GULP1: variants seen among roughly 807,000 people sequenced by gnomAD.
GULP1 encodes the protein PTB domain-containing engulfment adapter protein 1.
GULP1 carries 19 observed loss-of-function variants against 40.9 expected under a neutral mutation model. The observed-to-expected ratio is 0.46, with a 90% CI of 0.32 to 0.68. The LOEUF is 0.68. Among genes scored for constraint, GULP1 ranks in the 30% least tolerant of loss-of-function variants. The pLI is 0.03. For missense variants in GULP1, 312 were observed against 362.2 expected (o/e 0.86, Z 1.12); for synonymous variants, 119 against 117.6 (o/e 1.01, Z -0.08).
At chr2:188,498,583 A>G (rs554393764) in intron 4 of GULP1, among the ~76,000 whole-genome samples, 52 of 152,060 alleles carry the variant, frequency 3.4e-4, no homozygotes, top group African/African-American at 1.2e-3. Context: ...TTATGTTAGA[A>G]CAAATTATTG....
chr2:188,300,465 A>G (rs1263059185), intron 1 of GULP1, among the ~76,000 whole-genome samples: 1 of 152,164 alleles, frequency 6.6e-6, no homozygotes, highest in Non-Finnish European at 1.5e-5. Context: ...TGGATTACTT[A>G]CTGATCATTG....
intron 4 of GULP1, among the ~76,000 whole-genome samples, chr2:188,496,393 C>T (rs895384426): frequency 4.6e-5 from 7 of 151,834 alleles, no homozygotes; most frequent in Admixed American, 2.0e-4. Context: ...AAACATTTGG[C>T]GAGGAGATGA....
intron 2 of GULP1, among the ~76,000 whole-genome samples, chr2:188,403,170 C>T (rs889742537): frequency 1.3e-5 from 2 of 152,150 alleles, no homozygotes; most frequent in South Asian, 2.1e-4. Context: ...TCTTCTCCTA[C>T]ACTTTTGTAC....
chr2:188,447,246 T>G (rs1466772392), intron 2 of GULP1, among the ~76,000 whole-genome samples: 1 of 152,130 alleles, frequency 6.6e-6, no homozygotes, highest in African/African-American at 2.4e-5. Flanking sequence ...TCAGAAAACA[T>G]AAATTGTAAA....
At chr2:188,312,276 C>A (rs1209666429) in intron 1 of GULP1, among the ~76,000 whole-genome samples, 2 of 151,958 alleles carry the variant, frequency 1.3e-5, no homozygotes, top group African/African-American at 4.8e-5. Context: ...TTTGCTGCAC[C>A]TATTGACCTA....
At chr2:188,411,760 A>G (rs966874006) in intron 2 of GULP1, among the ~76,000 whole-genome samples, 1 of 152,190 alleles carries the variant, frequency 6.6e-6, no homozygotes, top group Non-Finnish European at 1.5e-5. Context: ...TCAGTATATA[A>G]TCACACATCT....
intron 2 of GULP1, among the ~76,000 whole-genome samples, chr2:188,399,708 A>AAAAC (rs2051893951): frequency 2.0e-5 from 3 of 150,214 alleles, no homozygotes; most frequent in South Asian, 4.2e-4. Flanking sequence ...AAAAAAAAAA[A>AAAAC]AAAAAACATC....
chr2:188,314,632 C>G (rs1399402074), intron 1 of GULP1, among the ~76,000 whole-genome samples: 1 of 152,152 alleles, frequency 6.6e-6, no homozygotes, highest in Non-Finnish European at 1.5e-5. Context: ...GTAGATTATA[C>G]TGTGCTCTGT....
chr2:188,517,509 GT>G (rs111624749), intron 4 of GULP1, among the ~76,000 whole-genome samples: 33 of 151,424 alleles, frequency 2.2e-4, no homozygotes, highest in East Asian at 9.7e-4. Flanking sequence ...TTTTGTTGCT[GT>G]TTTTTTTCCC....
intron 1 of GULP1, among the ~76,000 whole-genome samples, chr2:188,308,139 C>A (rs2037451996): frequency 1.4e-5 from 1 of 70,418 alleles, no homozygotes; most frequent in Admixed American, 1.6e-4. Flanking sequence ...CGGTGGCCTG[C>A]ATTAGCATCC....
intron 4 of GULP1, among the ~76,000 whole-genome samples, chr2:188,499,417 A>G (rs2063219256): frequency 1.3e-5 from 2 of 151,520 alleles, no homozygotes; most frequent in South Asian, 4.1e-4. Flanking sequence ...CTAAAAAGTC[A>G]TCACAAACAT....
chr2:188,427,554 A>G (rs1277638268), intron 2 of GULP1, among the ~76,000 whole-genome samples: 2 of 152,172 alleles, frequency 1.3e-5, no homozygotes, highest in Non-Finnish European at 2.9e-5. Flanking sequence ...AGCTCTAGCC[A>G]TGGCTCCAAG....
intron 2 of GULP1, among the ~76,000 whole-genome samples, chr2:188,471,455 C>G (rs1416117039): frequency 1.3e-5 from 2 of 151,870 alleles, no homozygotes; most frequent in African/African-American, 4.8e-5. Context: ...TTTTCTTTCC[C>G]TCCTGTCTTC....
intron 2 of GULP1, among the ~76,000 whole-genome samples, chr2:188,466,228 TC>T (rs755844008): frequency 1.4e-3 from 217 of 152,142 alleles, no homozygotes; most frequent in Non-Finnish European, 2.1e-3. Flanking sequence ...AAAACATACT[TC>T]ATTTGGATAC....
At chr2:188,481,257 A>G (rs960335546) in intron 3 of GULP1, among the ~76,000 whole-genome samples, 2 of 152,134 alleles carry the variant, frequency 1.3e-5, no homozygotes, top group African/African-American at 4.8e-5. Context: ...CTATGAACAC[A>G]TATAGTGACC....
At chr2:188,550,915 C>T (rs1018073192) in intron 7 of GULP1, among the ~76,000 whole-genome samples, 2 of 151,430 alleles carry the variant, frequency 1.3e-5, no homozygotes, top group African/African-American at 4.8e-5. Flanking sequence ...CTGAGTATTT[C>T]CTGCCAATAC....
chr2:188,513,185 T>G (rs534440187), intron 4 of GULP1, among the ~76,000 whole-genome samples: 1 of 152,260 alleles, frequency 6.6e-6, no homozygotes, highest in Non-Finnish European at 1.5e-5. Flanking sequence ...AAAAAGACAT[T>G]TACTAGTTTG....
intron 1 of GULP1, among the ~76,000 whole-genome samples, chr2:188,361,431 G>C (rs2046070068): frequency 6.6e-6 from 1 of 151,974 alleles, no homozygotes; most frequent in South Asian, 2.1e-4. Context: ...AAGAGAGAGA[G>C]AGAGAGAAAC....
rs145287217 is a variant in GULP1 at position 188,541,231 on chromosome 2, T to C, written c.312T>C (p.Asp104=). 1.2e-6 allele frequency: 2 copies of C among 1,611,802 alleles called. No homozygotes were observed. The highest frequency in any genetic ancestry group is 1.7e-6 in the Non-Finnish European group (2 of 1,177,956). The part of the protein sequence containing the change: ...QLHRISFCAD[D]KTDKRIFTFI... Reference sequence around the variant, plus strand: ...ATAGAATATCTTTTTGTGCAGATGATAAAACTGACAAGAGGATATTCACTT... The same window carrying C: ...ATAGAATATCTTTTTGTGCAGATGACAAAACTGACAAGAGGATATTCACTT... The change falls in exon 7 of 12, where the codon GAT becomes GAC. Residue 104 remains aspartate, a synonymous_variant. Transcript: ENST00000409830.
Sources: gnomAD v4.1 joint callset for allele counts (sites outside exome capture counted in the v4.1 genomes callset) on GRCh38, gnomAD v4.1.1 for gene constraint, MANE v1.5 for transcripts, NCBI Gene and HGNC (gene_info 2026-07-23, HGNC 2026-07-21) for gene names.